ANKS1B: variants seen among roughly 807,000 people sequenced by gnomAD.
The protein encoded by ANKS1B is ankyrin repeat and sterile alpha motif domain-containing protein 1B.
Under a neutral mutation model 148.3 loss-of-function variants are expected in ANKS1B, and 36 were observed. That is an observed-to-expected ratio of 0.24 (90% CI 0.19 to 0.32). The LOEUF is 0.32. Ranked by LOEUF, ANKS1B falls within the 10% of genes least tolerant of loss-of-function variation. The pLI is 1.00. For missense variants in ANKS1B, 1,157 were observed against 1,542.6 expected (o/e 0.75, Z 4.19); for synonymous variants, 542 against 560.8 (o/e 0.97, Z 0.47).
At chr12:99,378,746 A>C (rs2093509181) in intron 12 of ANKS1B, among the ~76,000 whole-genome samples, 1 of 152,172 alleles carries the variant, frequency 6.6e-6, no homozygotes, top group Admixed American at 6.5e-5. Context: ...ATAGGCAGGA[A>C]GCAAACTGAG....
chr12:99,943,364 G>A (rs2094967966), intron 1 of ANKS1B, among the ~76,000 whole-genome samples: 1 of 152,164 alleles, frequency 6.6e-6, no homozygotes, highest in South Asian at 2.1e-4. Context: ...CCTGCCCAGT[G>A]CAGATACCAG....
intron 1 of ANKS1B, among the ~76,000 whole-genome samples, chr12:99,862,282 T>C (rs1309066950): frequency 2.0e-5 from 3 of 152,126 alleles, no homozygotes; most frequent in Non-Finnish European, 4.4e-5. Context: ...AGGATTGTTT[T>C]TGAAAAAAAT....
intron 17 of ANKS1B, among the ~76,000 whole-genome samples, chr12:98,883,139 C>T (rs936114848): frequency 2.0e-5 from 3 of 151,994 alleles, no homozygotes; most frequent in African/African-American, 7.3e-5. Context: ...GCAAGGGATC[C>T]CAAATTATTT....
intron 15 of ANKS1B, among the ~76,000 whole-genome samples, chr12:99,113,270 C>T (rs986620625): frequency 2.6e-5 from 4 of 152,032 alleles, no homozygotes; most frequent in South Asian, 2.1e-4. Flanking sequence ...CTGACCTGAA[C>T]GAATGGGAAG....
chr12:99,582,343 T>C (rs1225476430), intron 9 of ANKS1B, among the ~76,000 whole-genome samples: 4 of 151,352 alleles, frequency 2.6e-5, no homozygotes, highest in African/African-American at 9.7e-5. Context: ...CATCTAGGTA[T>C]TTTTTAAAAA....
chr12:99,104,765 C>T (rs545694975), intron 15 of ANKS1B: 1 of 152,370 alleles, frequency 6.6e-6, no homozygotes, highest in East Asian at 1.9e-4. Flanking sequence ...TGACTACTGT[C>T]TCTTTACCTC....
At chr12:99,499,664 G>A (rs1039062896) in intron 10 of ANKS1B, among the ~76,000 whole-genome samples, 4 of 152,028 alleles carry the variant, frequency 2.6e-5, no homozygotes, top group African/African-American at 2.4e-5. Context: ...CCATGGCAGC[G>A]ATATGAGTAT....
intron 9 of ANKS1B, among the ~76,000 whole-genome samples, chr12:99,583,130 G>T (rs2097586383): frequency 6.6e-6 from 1 of 152,136 alleles, no homozygotes; most frequent in Non-Finnish European, 1.5e-5. Flanking sequence ...TACCCTGGAA[G>T]ACTATGTCAT....
chr12:99,042,071 C>A (rs192958607), intron 17 of ANKS1B, among the ~76,000 whole-genome samples: 8 of 151,716 alleles, frequency 5.3e-5, no homozygotes, highest in Non-Finnish European at 1.5e-5. Context: ...AATAAAACAA[C>A]CCCCCCAAAA....
chr12:99,420,252 CT>C (rs2095042376), intron 11 of ANKS1B, among the ~76,000 whole-genome samples: 2 of 152,090 alleles, frequency 1.3e-5, no homozygotes, highest in Non-Finnish European at 2.9e-5. Flanking sequence ...AATAACAGAA[CT>C]TTTTTAGCTT....
chr12:98,903,257 C>A (rs528703513), intron 17 of ANKS1B, among the ~76,000 whole-genome samples: 1 of 151,984 alleles, frequency 6.6e-6, no homozygotes, highest in African/African-American at 2.4e-5. Context: ...TACCAATAGT[C>A]TGATTTGTTA....
At chr12:98,978,706 G>A (rs2099902638) in intron 17 of ANKS1B, among the ~76,000 whole-genome samples, 1 of 151,680 alleles carries the variant, frequency 6.6e-6, no homozygotes, top group Non-Finnish European at 1.5e-5. Context: ...CCTTACAATA[G>A]TTATACTTCT....
In ANKS1B at chr12:99,935,517, A is replaced by G. The variant is rs370229443; in HGVS notation, c.134+48587T>C. ...AAGACTATGGTTTCCTCTTAAGCAT[A>G]GGGCCCTCTTTTAACATCACTGGTT... On this transcript the variant is annotated intron_variant, in intron 1 of 26. Coordinates refer to ENST00000683438, the MANE Select transcript of ANKS1B (RefSeq NM_001352186.2). Among the ~76,000 whole-genome samples the G allele has an allele frequency of 3.3e-5, 5 of 152,196 alleles. No homozygotes were observed. In the East Asian group the frequency reaches 9.7e-4, roughly 29 times the overall value.
intron 14 of ANKS1B, among the ~76,000 whole-genome samples, chr12:99,193,274 T>C (rs1443687703): frequency 6.6e-6 from 1 of 152,200 alleles, no homozygotes; most frequent in African/African-American, 2.4e-5. Flanking sequence ...TCCTCCCTTT[T>C]TCTTCTAAAG....
intron 9 of ANKS1B, among the ~76,000 whole-genome samples, chr12:99,595,229 A>G (rs1029739466): frequency 8.5e-5 from 13 of 152,064 alleles, no homozygotes; most frequent in African/African-American, 3.1e-4. Context: ...CTCACTGAAA[A>G]TATTTTAAGA....
intron 1 of ANKS1B, among the ~76,000 whole-genome samples, chr12:99,978,904 T>A (rs553695370): frequency 6.6e-6 from 1 of 152,312 alleles, no homozygotes; most frequent in East Asian, 1.9e-4. Context: ...ACTCAACTCT[T>A]CGAGGCATTA....
At chr12:98,938,257 A>G (rs2099823203) in intron 17 of ANKS1B, among the ~76,000 whole-genome samples, 2 of 152,250 alleles carry the variant, frequency 1.3e-5, no homozygotes, top group Admixed American at 1.3e-4. Context: ...AGTTATTATT[A>G]TTAACCTACG....
downstream of ANKS1B, chr12:98,743,899 T>C (rs2097826548): frequency 1.4e-6 from 1 of 726,658 alleles, no homozygotes; most frequent in African/African-American, 1.9e-5. Flanking sequence ...CTGTAGATGC[T>C]GAGAAGGCTG....
rs1179000332 is a variant in ANKS1B at position 99,952,144 on chromosome 12, G to T, written c.134+31960C>A. ...GTGTCAAGTTTTCTATAACAAAATT[G>T]ATCAAATTGGGTCACATAACCAAGT... On this transcript the variant is annotated intron_variant, in intron 1 of 26. Transcript: ENST00000683438. 5.9e-5 allele frequency among the ~76,000 whole-genome samples: 9 copies of T among 152,110 alleles called. No homozygotes were observed. In the South Asian group the frequency reaches 1.5e-3, roughly 25 times the overall value.
Sources: allele counts gnomAD v4.1 joint callset (sites outside exome capture counted in the v4.1 genomes callset), GRCh38; gene constraint gnomAD v4.1.1; transcripts MANE v1.5; gene names NCBI Gene and HGNC (gene_info 2026-07-23, HGNC 2026-07-21).